Variants in ERF observed in about 807,000 individuals in gnomAD.
ERF encodes ETS2 repressor factor, also known as ETS domain-containing transcription factor ERF.
A neutral mutation model predicts 41.6 loss-of-function variants in ERF; 10 were observed. That is an observed-to-expected ratio of 0.24 (90% CI 0.15 to 0.41). The LOEUF (loss-of-function observed/expected upper bound fraction) is 0.41. Among genes scored for constraint, ERF ranks in the 10% least tolerant of loss-of-function variants. The pLI is 1.00. For missense variants in ERF, 621 were observed against 763.2 expected (o/e 0.81, Z 2.19); for synonymous variants, 395 against 342.4 (o/e 1.15, Z -1.70).
chr19:42,252,959 G>A (rs917035437), intron 1 of ERF, among the ~76,000 whole-genome samples: 1 of 152,192 alleles, frequency 6.6e-6, no homozygotes, highest in African/African-American at 2.4e-5. Context: ...GGCACATGGA[G>A]AGAGGGGTTC....
chr19:42,251,332 G>A, intron 1 of ERF: 2 of 985,860 alleles, frequency 2.0e-6, no homozygotes, highest in Non-Finnish European at 2.4e-6. Flanking sequence ...TCCCACTTCT[G>A]CCTTCTCATC....
chr19:42,251,515 G>C, intron 1 of ERF: 1 of 256,480 alleles, frequency 3.9e-6, no homozygotes, highest in Non-Finnish European at 6.0e-6. Context: ...CAATAATTCA[G>C]CACCAGGCAG....
Position 42,249,622 on chromosome 19 carries a change from C to G in ERF, c.490G>C (p.Ala164Pro). Reference protein sequence around the residue: ...SPTEDPRSPPACSSSSSSLFS... With the variant: ...SPTEDPRSPPPCSSSSSSLFS... The stretch of plus-strand genomic sequence containing the variant: ...AGGGAAGATGAAGATGAAGAGCAGG[C>G]TGGTGGTGAGCGGGGGTCCTCGGTG... The change falls in exon 4 of 4, where the codon GCC becomes CCC. Residue 164 changes from alanine to proline, a missense_variant. Physicochemically the swap from Ala to Pro is conservative, Grantham distance 27 (BLOSUM62 -1). Around this residue, in one of 3 missense-constraint regions of ERF, gnomAD observed 569 missense variants for 625.5 expected, o/e 0.91. Coordinates refer to ENST00000222329, the MANE Select transcript of ERF (RefSeq NM_006494.4). This position sits in a 1 kb window ranked among gnomAD's most constrained non-coding sequence, Gnocchi z 8.6. 1 of 1,612,864 alleles carries G rather than the reference C, an allele frequency of 6.2e-7. No individual in the cohort carries two copies. Among genetic ancestry groups the G allele is most frequent in the East Asian group, 2.2e-5 (1 of 44,864 alleles).
chr19:42,249,389 G>A lies in ERF; in HGVS notation c.723C>T (p.Gly241=). The change falls in exon 4 of 4, where the codon GGC becomes GGT. Residue 241 remains glycine (G), a synonymous_variant. Coordinates refer to ENST00000222329, the MANE Select transcript of ERF (RefSeq NM_006494.4). This position sits in a 1 kb window ranked among gnomAD's most constrained non-coding sequence, Gnocchi z 8.6. ...VFRVYPRPRG[G]PEPLSPFPVS... ...CAGGGAAGGGGCTGAGGGGTTCAGGGCCACCCCGAGGCCGGGGATAGACTC... is the reference window on the plus strand; with the variant it reads ...CAGGGAAGGGGCTGAGGGGTTCAGGACCACCCCGAGGCCGGGGATAGACTC... The A allele has an allele frequency of 1.3e-6, 2 of 1,574,060 alleles. No homozygotes were observed. Among genetic ancestry groups the A allele is most frequent in the Non-Finnish European group, 1.7e-6 (2 of 1,160,608 alleles).
intron 1 of ERF, chr19:42,253,729 G>C: frequency 2.5e-6 from 1 of 392,822 alleles, no homozygotes; most frequent in Non-Finnish European, 3.5e-6. Flanking sequence ...TCCCAGCTCG[G>C]AGCCCTTTAA....
rs188705858 is a variant in ERF, at chr19:42,251,942, A to G, written c.23-1377T>C. Among the ~76,000 whole-genome samples, 3 of 151,902 alleles carry G rather than the reference A, an allele frequency of 2.0e-5. No homozygotes were observed. The South Asian group carries it at 6.2e-4, about 32-fold the overall frequency. On this transcript the variant is annotated intron_variant, in intron 1 of 3. Transcript: ENST00000222329. ...TTCAGATATATCCCAGCCTTCCACCAGCCCCTCAGGGTGCCAGGGATATGA... is the reference window on the plus strand; with the variant it reads ...TTCAGATATATCCCAGCCTTCCACCGGCCCCTCAGGGTGCCAGGGATATGA...
chr19:42,252,108 A>G (rs1378416832), intron 1 of ERF, among the ~76,000 whole-genome samples: 2 of 152,140 alleles, frequency 1.3e-5, no homozygotes, highest in African/African-American at 4.8e-5. Context: ...TCACCCTTCT[A>G]GAGAATCCAG....
chr19:42,254,868 G>A (rs2146960016), intron 1 of ERF, 110 bp downstream of exon 1: 1 of 1,283,196 alleles, frequency 7.8e-7, no homozygotes. Flanking sequence ...GGGTCCCCCA[G>A]AACTGGGGAT....
rs769453776 is a variant in ERF, at chr19:42,249,047, G to C, written c.1065C>G (p.Pro355=). The part of the protein sequence containing the change: ...PDKCPLPPMA[P]ETPPVPSSAS... The stretch of plus-strand genomic sequence containing the variant: ...CCGAGGAGGGGACCGGTGGGGTCTC[G>C]GGTGCCATGGGCGGCAGCGGGCACT... The change falls in exon 4 of 4, where the codon CCC becomes CCG. Residue 355 remains proline, a synonymous_variant. Transcript: ENST00000222329. The surrounding 1 kb of genome is among the most constrained non-coding windows in gnomAD (Gnocchi z 8.6). 6.2e-7 allele frequency: 1 copy of C among 1,612,316 alleles called. No individual in the cohort carries two copies.
In ERF at chr19:42,250,453, G is replaced by A. The variant is rs2036425845; in HGVS notation, c.135C>T (p.Val45=). 1 of 1,613,464 alleles carries A rather than the reference G, an allele frequency of 6.2e-7. No individual in the cohort carries two copies. The highest frequency in any genetic ancestry group is 8.5e-7 in the Non-Finnish European group (1 of 1,180,034). ...CCCCGTAGTCCCCCTGCCAGGCAAT[G>A]ACGCCCTGGTACTCCTCCTTCCGCA... ...ELLRKEEYQG[V]IAWQGDYGEF... is the part of the protein sequence containing the mutation. Residue 45 remains valine (V), a synonymous_variant, in exon 2 of 4, where the codon GTC becomes GTT. Transcript: ENST00000222329. The surrounding 1 kb of genome is among the most constrained non-coding windows in gnomAD (Gnocchi z 5.1).
At chr19:42,252,890 G>A (rs759972088) in intron 1 of ERF, among the ~76,000 whole-genome samples, 4 of 152,180 alleles carry the variant, frequency 2.6e-5, no homozygotes, top group Non-Finnish European at 2.9e-5. Context: ...CCTGCACGGA[G>A]GAAGCTTGGG....
At chr19:42,253,647 T>C (rs2036482330) in intron 1 of ERF, among the ~76,000 whole-genome samples, 2 of 151,762 alleles carry the variant, frequency 1.3e-5, no homozygotes, top group South Asian at 2.1e-4. Context: ...TGACTGACCC[T>C]ACCGCACTCC....
intron 1 of ERF, among the ~76,000 whole-genome samples, chr19:42,252,498 A>C (rs1192633366): frequency 6.6e-6 from 1 of 152,184 alleles, no homozygotes; most frequent in Non-Finnish European, 1.5e-5. Flanking sequence ...GACTACATGC[A>C]ACACAAAGGG....
In ERF at chr19:42,249,035, C is replaced by T. The variant is rs758877628; in HGVS notation, c.1077G>A (p.Pro359=). The change falls in exon 4 of 4, where the codon CCG becomes CCA. Residue 359 remains proline, a synonymous_variant. Coordinates refer to ENST00000222329, the MANE Select transcript of ERF (RefSeq NM_006494.4). The surrounding 1 kb of genome is among the most constrained non-coding windows in gnomAD (Gnocchi z 8.6). ...AGGATGACGAGGCCGAGGAGGGGACCGGTGGGGTCTCGGGTGCCATGGGCG... is the reference window on the plus strand; with the variant it reads ...AGGATGACGAGGCCGAGGAGGGGACTGGTGGGGTCTCGGGTGCCATGGGCG... ...PLPPMAPETP[P]VPSSASSSSS... is the part of the protein sequence containing the mutation. The T allele has an allele frequency of 3.0e-5, 49 of 1,611,610 alleles. No individual in the cohort carries two copies. The highest frequency in any genetic ancestry group is 1.7e-4 in the Middle Eastern group (1 of 6,050).
intron 1 of ERF, chr19:42,251,439 G>C: frequency 3.6e-6 from 1 of 278,496 alleles, no homozygotes; most frequent in South Asian, 1.5e-4. Flanking sequence ...GGGGTGGGCA[G>C]CCTGGGGTGG....
rs372369574 is a variant in ERF at position 42,249,577 on chromosome 19, G to T, written c.535C>A (p.Arg179Ser). The change falls in exon 4 of 4, where the codon CGC (arginine) becomes AGC (serine). Residue 179 changes from arginine (R) to serine (S), a missense_variant. Physicochemically the swap from Arg to Ser is moderately radical, Grantham distance 110. Transcript: ENST00000222329. The surrounding 1 kb of genome is among the most constrained non-coding windows in gnomAD (Gnocchi z 8.6). Reference protein sequence around the residue: ...SSSLFSAVVARRLGRGSVSDC... With the variant: ...SSSLFSAVVASRLGRGSVSDC... ...CTGACTGAGCCTCGGCCCAGGCGGCGGGCCACCACAGCCGAGAAGAGGGAA... is the reference window on the plus strand; with the variant it reads ...CTGACTGAGCCTCGGCCCAGGCGGCTGGCCACCACAGCCGAGAAGAGGGAA... The T allele has an allele frequency of 6.2e-7, 1 of 1,613,558 alleles. No homozygotes were observed. Among genetic ancestry groups the T allele is most frequent in the Non-Finnish European group, 8.5e-7 (1 of 1,179,974 alleles).
Position 42,248,342 on chromosome 19 carries a change from A to T in ERF, c.*123T>A. 9 of 585,788 alleles carry T rather than the reference A, an allele frequency of 1.5e-5. No homozygotes were observed. Among genetic ancestry groups the T allele is most frequent in the South Asian group, 5.5e-5 (1 of 18,082 alleles). 36.3% of individuals were successfully genotyped at this position (585,788 alleles called of 1,614,324 possible). A position where few individuals can be genotyped will look rare whatever the true frequency, so the allele number is the denominator to read the frequency against. On this transcript the variant is annotated 3_prime_UTR_variant, in exon 4 of 4. Transcript: ENST00000222329. The surrounding 1 kb of genome is among the most constrained non-coding windows in gnomAD (Gnocchi z 4.2). Reference sequence around the variant, plus strand: ...TTAAAGTTTTATACAAAATGTGGGGAGGGAAAAGGGAGGAGGCAGGGAAGA... The same window carrying T: ...TTAAAGTTTTATACAAAATGTGGGGTGGGAAAAGGGAGGAGGCAGGGAAGA...
rs1305009277 is a variant in ERF, at chr19:42,250,875, G to C, written c.23-310C>G. Among the ~76,000 whole-genome samples, 1 of 152,066 alleles carries C rather than the reference G, an allele frequency of 6.6e-6. No individual in the cohort carries two copies. Among genetic ancestry groups the C allele is most frequent in the East Asian group, 1.9e-4 (1 of 5,162 alleles). On this transcript the variant is annotated intron_variant, in intron 1 of 3. Coordinates refer to ENST00000222329, the MANE Select transcript of ERF (RefSeq NM_006494.4). The surrounding 1 kb of genome is among the most constrained non-coding windows in gnomAD (Gnocchi z 5.1). ...GCACCAAGCCAGGCTGGCGGGCAGG[G>C]CTGCCAGTGGGGGAGGGGCAGGAAG...
At chr19:42,254,050 G>A (rs997120047) in intron 1 of ERF, among the ~76,000 whole-genome samples, 2 of 151,410 alleles carry the variant, frequency 1.3e-5, no homozygotes, top group Non-Finnish European at 3.0e-5. Context: ...CGGGGGCGGC[G>A]GGGGAGGGGA....
Sources: allele counts gnomAD v4.1 joint callset (sites outside exome capture counted in the v4.1 genomes callset), GRCh38; gene constraint gnomAD v4.1.1; regional missense constraint gnomAD v4.1.1; non-coding constraint Gnocchi (gnomAD v3.1); transcripts MANE v1.5; gene names NCBI Gene and HGNC (gene_info 2026-07-23, HGNC 2026-07-21).